The following METTL2B variants were observed in gnomAD, a reference collection of about 807,000 sequenced individuals.
The protein encoded by METTL2B is methyltransferase 2B, tRNA N3-cytidine.
Under a neutral mutation model 51.0 loss-of-function variants are expected in METTL2B, and 28 were observed. The ratio of observed to expected loss-of-function variants is 0.55; its 90% CI spans 0.41 to 0.75. The LOEUF (loss-of-function observed/expected upper bound fraction) is 0.75. METTL2B is among the 30% of genes least tolerant of loss of function. METTL2B has a pLI of 0.00. For missense variants in METTL2B, 313 were observed against 460.7 expected, an observed-to-expected ratio of 0.68 and a Z score of 2.93; for synonymous variants, 128 against 166.3, an observed-to-expected ratio of 0.77 and a Z score of 1.77.
intron 5 of METTL2B, among the ~76,000 whole-genome samples, chr7:128,491,225 G>A (rs1286399776): frequency 6.6e-6 from 1 of 151,424 alleles, no homozygotes; most frequent in Non-Finnish European, 1.5e-5. Context: ...GGGAGGCTGA[G>A]GTGGGCAGAT....
chr7:128,488,414 C>T (rs1792759570), intron 5 of METTL2B: 1 of 639,606 alleles, frequency 1.6e-6, no homozygotes, highest in African/African-American at 1.8e-5. Context: ...AGTGCCGTTT[C>T]TCCACCACCA....
chr7:128,485,998 TAAAG>T (rs1459059653), intron 4 of METTL2B, among the ~76,000 whole-genome samples: 2 of 151,930 alleles, frequency 1.3e-5, no homozygotes, highest in African/African-American at 2.4e-5. Context: ...GTAGAAAACT[TAAAG>T]AAAAGCACAG....
In METTL2B at chr7:128,483,431, A is replaced by G. The variant is rs535179787; in HGVS notation, c.608+2735A>G. ...GTCACACCTTGCATGTCTTCCCCTG[A>G]CTCCGTACCTTTCCAAAATGTCCTT... On this transcript the variant is annotated intron_variant, in intron 4 of 8. Transcript: ENST00000262432. The G allele has an allele frequency of 2.0e-5, 3 of 152,314 alleles. No individual in the cohort carries two copies. The South Asian group carries it at 6.2e-4, about 32-fold the overall frequency. The allele number at this position is 152,314 out of a possible 1,614,324, so 9.4% of individuals were successfully genotyped here.
Position 128,485,212 on chromosome 7 carries a change from G to A in METTL2B, c.609-2889G>A, listed in dbSNP as rs566481366. 5.3e-5 allele frequency among the ~76,000 whole-genome samples: 8 copies of A among 152,190 alleles called. No individual in the cohort carries two copies. In the South Asian group the frequency reaches 1.0e-3, roughly 20 times the overall value. ...CTTCATATTCACCTTTTCTGCATCC[G>A]AGGATTCAAGCAACCATGGATTGAA... On this transcript the variant is annotated intron_variant, in intron 4 of 8. Coordinates refer to ENST00000262432, the MANE Select transcript of METTL2B (RefSeq NM_018396.3).
Position 128,480,644 on chromosome 7 carries a change from C to T in METTL2B, c.559-3C>T. ...GTGATTAATAGTTCATTTCTGTCTG[C>T]AGGTTGGCTGTGGTGTGGGAAACAC... is the stretch of plus-strand genomic sequence containing the variant. On this transcript the variant is annotated splice_region_variant and splice_polypyrimidine_tract_variant and intron_variant, in intron 3 of 8. Coordinates refer to ENST00000262432, the MANE Select transcript of METTL2B (RefSeq NM_018396.3). 6.2e-7 allele frequency: 1 copy of T among 1,602,608 alleles called. No individual in the cohort carries two copies. Among genetic ancestry groups the T allele is most frequent in the Non-Finnish European group, 8.5e-7 (1 of 1,177,206 alleles).
chr7:128,495,668 A>G (rs756543134), intron 6 of METTL2B, among the ~76,000 whole-genome samples: 5 of 151,872 alleles, frequency 3.3e-5, no homozygotes, highest in Non-Finnish European at 5.9e-5. Context: ...GGCCAGGCTG[A>G]TCTTGAGCTC....
At chr7:128,497,648 A>G (rs941303735) in intron 6 of METTL2B, among the ~76,000 whole-genome samples, 1 of 152,050 alleles carries the variant, frequency 6.6e-6, no homozygotes, top group African/African-American at 2.4e-5. Context: ...ACGCCTGGCT[A>G]CTTTTTGTAT....
intron 4 of METTL2B, among the ~76,000 whole-genome samples, chr7:128,481,249 T>G (rs1030901366): frequency 1.3e-5 from 2 of 152,234 alleles, no homozygotes; most frequent in African/African-American, 4.8e-5. Flanking sequence ...CACTGACCAA[T>G]TCAACAACAG....
At position 128,479,509 on chromosome 7, in the gene METTL2B, T is replaced by C; in HGVS notation, c.554T>C (p.Leu185Pro). 1 of 1,613,140 alleles carries C rather than the reference T, an allele frequency of 6.2e-7. No homozygotes were observed. Among genetic ancestry groups the C allele is most frequent in the African/African-American group, 1.3e-5 (1 of 74,974 alleles). ...GGATCCTCAGCCACCTACCGAATACTGGAGGTAACCTTTTATTGTCTTGGT... is the reference window on the plus strand; with the variant it reads ...GGATCCTCAGCCACCTACCGAATACCGGAGGTAACCTTTTATTGTCTTGGT... ...FPGSSATYRI[L>P]EVGCGVGNTV... The change falls in exon 3 of 9, where the codon CTG becomes CCG. Residue 185 changes from leucine (L) to proline (P), a missense_variant. Leu to Pro is a moderately conservative substitution (Grantham distance 98, BLOSUM62 -3). This residue lies in a region of METTL2B where 42 missense variants were observed against 113.4 expected (regional missense o/e 0.37). Transcript: ENST00000262432.
rs563348356 is a variant in METTL2B, at chr7:128,491,931, A to G, written c.670-1873A>G. On this transcript the variant is annotated intron_variant, in intron 5 of 8. Coordinates refer to ENST00000262432, the MANE Select transcript of METTL2B (RefSeq NM_018396.3). ...ATAACAAAGTAAATTTTCTACATCT[A>G]CAGAAATAGATTTTCCTGAAGAATT... Among the ~76,000 whole-genome samples the G allele has an allele frequency of 1.2e-3, 188 of 152,170 alleles. 1 individual carries two copies. Among genetic ancestry groups the G allele is most frequent in the Non-Finnish European group, 2.5e-3 (169 of 68,022 alleles).
chr7:128,480,430 G>A (rs3097359), intron 3 of METTL2B, among the ~76,000 whole-genome samples: 83,826 of 152,006 alleles, frequency 0.55, 23,406 homozygotes, highest in East Asian at 0.68. Flanking sequence ...AGACCACCTC[G>A]TTTCTGCTAA....
intron 4 of METTL2B, among the ~76,000 whole-genome samples, chr7:128,481,902 C>T (rs1799876983): frequency 6.6e-6 from 1 of 152,188 alleles, no homozygotes; most frequent in Admixed American, 6.5e-5. Context: ...CCTCGGCCTC[C>T]CAAAGTGCTG....
Position 128,504,773 on chromosome 7 carries a change from C to A in METTL2B, c.*2857C>A, listed in dbSNP as rs1011272415. The A allele has an allele frequency of 1.3e-5, 2 of 151,468 alleles. No individual in the cohort carries two copies. Among genetic ancestry groups the A allele is most frequent in the Admixed American group, 1.3e-4 (2 of 15,234 alleles). 9.4% of individuals were successfully genotyped at this position (151,468 alleles called of 1,614,324 possible). On this transcript the variant is annotated 3_prime_UTR_variant, in exon 9 of 9. Transcript: ENST00000262432. ...TCATTTGAGGTCAGGAGTTCGAGAC[C>A]AGCCTGGCCAACTTAATGAAACCCC...
chr7:128,490,241 TGAAA>T (rs527471572), intron 5 of METTL2B, among the ~76,000 whole-genome samples: 174 of 151,708 alleles, frequency 1.1e-3, no homozygotes, highest in African/African-American at 3.5e-3. Flanking sequence ...GGATGCTGGT[TGAAA>T]GAAAGAAAGA....
chr7:128,490,693 C>G (rs1334441052), intron 5 of METTL2B, among the ~76,000 whole-genome samples: 1 of 152,154 alleles, frequency 6.6e-6, no homozygotes, highest in African/African-American at 2.4e-5. Flanking sequence ...TCACCCTGTT[C>G]AGGGGTTCAT....
At chr7:128,488,589 G>T in intron 5 of METTL2B, 1 of 427,988 alleles carries the variant, frequency 2.3e-6, no homozygotes, top group Non-Finnish European at 4.9e-6. Context: ...TGCATGTGTT[G>T]TGACTGCCCC....
rs771135202 is a variant in METTL2B at position 128,501,863 on chromosome 7, C to T, written c.1084C>T (p.Arg362Trp). 36 of 1,614,066 alleles carry T rather than the reference C, an allele frequency of 2.2e-5. No individual in the cohort carries two copies. The highest frequency in any genetic ancestry group is 1.1e-4 in the South Asian group (10 of 91,084). The change falls in exon 9 of 9, where the codon CGG (arginine) becomes TGG (tryptophan). Residue 362 changes from arginine (R) to tryptophan (W), a missense_variant. Transcript: ENST00000262432. Reference protein sequence around the residue: ...VNRGKQLTMYRVWIQCKYCKP... With the variant: ...VNRGKQLTMYWVWIQCKYCKP... ...CCGAGGGAAGCAACTGACAATGTAC[C>T]GGGTTTGGATTCAGTGCAAATACTG...
In METTL2B at chr7:128,502,728, G is replaced by A. The variant is rs1433068659; in HGVS notation, c.*812G>A. On this transcript the variant is annotated 3_prime_UTR_variant, in exon 9 of 9. Coordinates refer to ENST00000262432, the MANE Select transcript of METTL2B (RefSeq NM_018396.3). Reference sequence around the variant, plus strand: ...AGCGTGGCCAACATGGTGAAACCCCGTCTCTACTAAAGATAAAAAAATTAG... The same window carrying A: ...AGCGTGGCCAACATGGTGAAACCCCATCTCTACTAAAGATAAAAAAATTAG... 2.9e-5 allele frequency: 11 copies of A among 382,842 alleles called. No individual in the cohort carries two copies. The highest frequency in any genetic ancestry group is 8.7e-5 in the African/African-American group (4 of 45,722). 23.7% of individuals were successfully genotyped at this position (382,842 alleles called of 1,614,324 possible).
chr7:128,501,815 G>A lies in METTL2B; in HGVS notation c.1036G>A (p.Val346Met), dbSNP rs1793034807. 6.2e-7 allele frequency: 1 copy of A among 1,614,212 alleles called. No homozygotes were observed. The highest frequency in any genetic ancestry group is 1.3e-5 in the African/African-American group (1 of 75,044). The change falls in exon 9 of 9, where the codon GTG (valine) becomes ATG (methionine). Residue 346 changes from valine (V) to methionine (M), a missense_variant. By Grantham distance (21) the Val-to-Met change is conservative. Around this residue, in one of 4 missense-constraint regions of METTL2B, gnomAD observed 138 missense variants for 187.6 expected, o/e 0.74. Transcript: ENST00000262432. ...TAGLEKVQNL[V>M]DRRLQVNRGK... Reference sequence around the variant, plus strand: ...TGGACTGGAAAAAGTTCAGAATCTGGTGGACCGCCGACTGCAGGTGAACCG... The same window carrying A: ...TGGACTGGAAAAAGTTCAGAATCTGATGGACCGCCGACTGCAGGTGAACCG...
Sources: allele counts gnomAD v4.1 joint callset (sites outside exome capture counted in the v4.1 genomes callset), GRCh38; gene constraint gnomAD v4.1.1; regional missense constraint gnomAD v4.1.1; transcripts MANE v1.5; gene names NCBI Gene and HGNC (gene_info 2026-07-23, HGNC 2026-07-21).